SLC6A11: variants seen among roughly 807,000 people sequenced by gnomAD.
The protein encoded by SLC6A11 is solute carrier family 6 member 11, also known as sodium- and chloride-dependent GABA transporter 3.
A neutral mutation model predicts 74.8 loss-of-function variants in SLC6A11; 25 were observed. That is an observed-to-expected ratio of 0.33 (90% CI 0.24 to 0.47). The LOEUF is 0.47. Among genes scored for constraint, SLC6A11 ranks in the 20% least tolerant of loss-of-function variants. SLC6A11 has a pLI of 1.00. For missense variants in SLC6A11, 574 were observed against 837.0 expected, an observed-to-expected ratio of 0.69 and a Z score of 3.88; for synonymous variants, 330 against 330.2, an observed-to-expected ratio of 1.00 and a Z score of 0.01.
At position 10,926,085 on chromosome 3, in the gene SLC6A11, T is replaced by G. The variant is rs1369589745; in HGVS notation, c.1202T>G (p.Met401Arg). Residue 401 changes from methionine (M) to arginine (R), a missense_variant, in exon 9 of 14, where the codon ATG (methionine) becomes AGG (arginine). Physicochemically the swap from Met to Arg is moderately conservative, Grantham distance 91. Transcript: ENST00000254488. This position sits in a 1 kb window ranked among gnomAD's most constrained non-coding sequence, Gnocchi z 5.7. ...LSPLWATLFF[M>R]MLIFLGLDSQ... ...CCGCTGTGGGCCACCTTGTTCTTCA[T>G]GATGCTCATCTTCCTGGGCCTGGAC... The G allele has an allele frequency of 6.2e-7, 1 of 1,613,394 alleles. No homozygotes were observed. Among genetic ancestry groups the G allele is most frequent in the Admixed American group, 1.7e-5 (1 of 59,988 alleles).
intron 8 of SLC6A11, among the ~76,000 whole-genome samples, chr3:10,922,278 A>G (rs1456380336): frequency 6.6e-6 from 1 of 152,196 alleles, no homozygotes; most frequent in Non-Finnish European, 1.5e-5. Context: ...AATATAATGC[A>G]CCATGTTAAT....
intron 5 of SLC6A11, among the ~76,000 whole-genome samples, chr3:10,847,946 C>T (rs1370870712): frequency 1.3e-5 from 2 of 152,166 alleles, no homozygotes; most frequent in African/African-American, 4.8e-5. Flanking sequence ...CAAGGCTGTT[C>T]GAGTAGGAAG....
Position 10,898,713 on chromosome 3 carries a change from ATCT to A in SLC6A11, c.892-13370_892-13368del, listed in dbSNP as rs546009343. The stretch of plus-strand genomic sequence containing the variant: ...GTTCCACACTTTCCCACATTGTTCT[ATCT>A]TCTTCTGAGCCCTCTGAACTATTCC... On this transcript the variant is annotated intron_variant, in intron 6 of 13. Coordinates refer to ENST00000254488, the MANE Select transcript of SLC6A11 (RefSeq NM_014229.3). Among the ~76,000 whole-genome samples the A allele has an allele frequency of 1.2e-3, 184 of 152,262 alleles. 2 individuals are homozygous for A. Among genetic ancestry groups the A allele is most frequent in the Admixed American group, 0.011 (175 of 15,280 alleles).
chr3:10,934,017 CA>C, intron 11 of SLC6A11, 48 bp from the exon 12 acceptor site: 2 of 1,337,370 alleles, frequency 1.5e-6, no homozygotes, highest in Non-Finnish European at 2.2e-6. Flanking sequence ...GACTCATGTA[CA>C]AAACTTCTCT....
chr3:10,903,500 C>T lies in SLC6A11; in HGVS notation c.892-8590C>T, dbSNP rs184852930. Among the ~76,000 whole-genome samples, 159 of 152,302 alleles carry T rather than the reference C, an allele frequency of 1.0e-3. 1 individual carries two copies. The highest frequency in any genetic ancestry group is 7.5e-3 in the Admixed American group (115 of 15,298). ...GCCTTTGCTTGTTGTCTGTGTCTCC[C>T]GCTAAAGTGTAAGCTCCTTAAGGGT... On this transcript the variant is annotated intron_variant, in intron 6 of 13. Transcript: ENST00000254488.
At chr3:10,876,904 T>C (rs1694915756) in intron 6 of SLC6A11, among the ~76,000 whole-genome samples, 1 of 152,088 alleles carries the variant, frequency 6.6e-6, no homozygotes, top group Non-Finnish European at 1.5e-5. Flanking sequence ...AGCACATTGG[T>C]CTGAGAGTTG....
chr3:10,929,168 C>T (rs747404927), intron 9 of SLC6A11, 34 bp from the exon 10 acceptor site: 1 of 1,609,966 alleles, frequency 6.2e-7, no homozygotes, highest in South Asian at 1.1e-5. Context: ...CAGCCTTGTC[C>T]TTGAGTTTCA....
intron 5 of SLC6A11, among the ~76,000 whole-genome samples, chr3:10,861,457 C>T (rs1694702387): frequency 6.6e-6 from 1 of 152,094 alleles, no homozygotes; most frequent in Non-Finnish European, 1.5e-5. Flanking sequence ...GTCAAGACTG[C>T]AGCAAGCAGT....
intron 6 of SLC6A11, among the ~76,000 whole-genome samples, chr3:10,899,747 T>C (rs1186506082): frequency 6.6e-6 from 1 of 152,236 alleles, no homozygotes; most frequent in Non-Finnish European, 1.5e-5. Context: ...TATGGTGTCA[T>C]TTTCCTCCTT....
At chr3:10,870,583 G>T (rs886497552) in intron 5 of SLC6A11, among the ~76,000 whole-genome samples, 19 of 152,224 alleles carry the variant, frequency 1.2e-4, no homozygotes, top group African/African-American at 4.3e-4. Flanking sequence ...ACAATGCACA[G>T]CTGTTCTCAG....
intron 5 of SLC6A11, among the ~76,000 whole-genome samples, chr3:10,866,691 C>T (rs1398832579): frequency 6.6e-6 from 1 of 152,186 alleles, no homozygotes; most frequent in African/African-American, 2.4e-5. Flanking sequence ...CCATTACCCC[C>T]TTGAAGAAAT....
At chr3:10,820,851 A>G (rs1239266087) in intron 3 of SLC6A11, among the ~76,000 whole-genome samples, 3 of 152,150 alleles carry the variant, frequency 2.0e-5, no homozygotes, top group Non-Finnish European at 4.4e-5. Flanking sequence ...ACTTTGACCT[A>G]TTCACCATCT....
chr3:10,920,875 G>A (rs761903991), intron 8 of SLC6A11, among the ~76,000 whole-genome samples: 34 of 152,166 alleles, frequency 2.2e-4, no homozygotes, highest in Non-Finnish European at 4.4e-4. Context: ...CCTCTGGTTG[G>A]GGGTGTGGAT....
At chr3:10,875,980 C>G (rs931635150) in intron 6 of SLC6A11, among the ~76,000 whole-genome samples, 3 of 152,196 alleles carry the variant, frequency 2.0e-5, no homozygotes, top group African/African-American at 7.2e-5. Flanking sequence ...ATAACTTAAT[C>G]AAAGACATTT....
chr3:10,866,398 G>T (rs9861593), intron 5 of SLC6A11, among the ~76,000 whole-genome samples: 1,795 of 152,312 alleles, frequency 0.012, 35 homozygotes, highest in African/African-American at 0.041. Flanking sequence ...TACTGCAGAA[G>T]AGGGAGAATA....
intron 5 of SLC6A11, among the ~76,000 whole-genome samples, chr3:10,855,299 C>G (rs1460041987): frequency 1.3e-5 from 2 of 152,150 alleles, no homozygotes; most frequent in African/African-American, 2.4e-5. Context: ...GGCTTGAGAT[C>G]AATTTTTAGT....
intron 5 of SLC6A11, among the ~76,000 whole-genome samples, chr3:10,851,916 C>G (rs1694580964): frequency 6.6e-6 from 1 of 152,224 alleles, no homozygotes; most frequent in African/African-American, 2.4e-5. Flanking sequence ...TCCCCTCCCC[C>G]ACTGCCACCA....
At chr3:10,921,108 G>A (rs1695532086) in intron 8 of SLC6A11, among the ~76,000 whole-genome samples, 1 of 152,200 alleles carries the variant, frequency 6.6e-6, no homozygotes. Context: ...TTCAGATTTT[G>A]TTCTGTTCTA....
intron 7 of SLC6A11, among the ~76,000 whole-genome samples, chr3:10,913,717 G>A (rs761067127): frequency 6.6e-6 from 1 of 151,908 alleles, no homozygotes; most frequent in Non-Finnish European, 1.5e-5. Context: ...TCTTTGAGAC[G>A]GAGTCTCGCT....
Sources: gnomAD v4.1 joint callset for allele counts (sites outside exome capture counted in the v4.1 genomes callset) on GRCh38, gnomAD v4.1.1 for gene constraint, Gnocchi (gnomAD v3.1) non-coding constraint, MANE v1.5 for transcripts, NCBI Gene and HGNC (gene_info 2026-07-23, HGNC 2026-07-21) for gene names.